Variants in LPIN1 observed in about 807,000 individuals in gnomAD.
LPIN1 encodes the protein lipin 1, also known as phosphatidate phosphatase LPIN1.
LPIN1 carries 71 observed loss-of-function variants against 107.5 expected under a neutral mutation model. The observed-to-expected ratio is 0.66, with a 90% CI of 0.55 to 0.80. The LOEUF (loss-of-function observed/expected upper bound fraction) is 0.80. Ranked by LOEUF, LPIN1 falls within the 30% of genes least tolerant of loss-of-function variation. The pLI is 0.00. For synonymous variants in LPIN1, 445 were observed against 452.6 expected, an observed-to-expected ratio of 0.98 and a Z score of 0.21; for missense variants, 1,043 against 1,160.6, an observed-to-expected ratio of 0.90 and a Z score of 1.47.
At chr2:11,780,006 G>A (rs1481998438) in intron 7 of LPIN1, among the ~76,000 whole-genome samples, 4 of 151,852 alleles carry the variant, frequency 2.6e-5, no homozygotes, top group South Asian at 4.2e-4. Flanking sequence ...TCAGCCTCCC[G>A]AGTAGCTGGG....
At chr2:11,699,789 A>G (rs1008143878) in intron 1 of LPIN1, among the ~76,000 whole-genome samples, 2 of 152,126 alleles carry the variant, frequency 1.3e-5, no homozygotes, top group African/African-American at 4.8e-5. Flanking sequence ...CAGGCAAGCA[A>G]AGTGATATAA....
At chr2:11,747,494 ACTGGC>A (rs1667142037) in intron 1 of LPIN1, among the ~76,000 whole-genome samples, 1 of 152,192 alleles carries the variant, frequency 6.6e-6, no homozygotes, top group South Asian at 2.1e-4. Flanking sequence ...AACTAAGACA[ACTGGC>A]AGTATTAATT....
intron 12 of LPIN1, among the ~76,000 whole-genome samples, chr2:11,791,188 C>T (rs557102546): frequency 6.6e-6 from 1 of 152,124 alleles, no homozygotes; most frequent in South Asian, 2.1e-4. Flanking sequence ...CTGAATCTTT[C>T]AGCTTAAATC....
intron 20 of LPIN1, among the ~76,000 whole-genome samples, chr2:11,822,505 C>A (rs1046277024): frequency 6.6e-6 from 1 of 151,076 alleles, no homozygotes; most frequent in Non-Finnish European, 1.5e-5. Flanking sequence ...TCAAAGGAGG[C>A]AAGGAGGATC....
chr2:11,733,880 A>G (rs1278796557), intron 1 of LPIN1, among the ~76,000 whole-genome samples: 1 of 152,260 alleles, frequency 6.6e-6, no homozygotes, highest in East Asian at 1.9e-4. Context: ...GTTCCATTGT[A>G]CAAAAAGCAA....
intron 19 of LPIN1, 76 bp downstream of exon 19, chr2:11,819,674 C>T: frequency 9.4e-7 from 1 of 1,062,218 alleles, no homozygotes; most frequent in Non-Finnish European, 1.5e-6. Flanking sequence ...AAAGCCCTAT[C>T]CGAGAACCAT....
chr2:11,705,360 C>T (rs1329842279), intron 1 of LPIN1, among the ~76,000 whole-genome samples: 1 of 152,246 alleles, frequency 6.6e-6, no homozygotes, highest in African/African-American at 2.4e-5. Flanking sequence ...CTGCTGTGAA[C>T]ACAATGATGA....
chr2:11,787,287 A>G, intron 11 of LPIN1, 120 bp downstream of exon 11: 2 of 739,998 alleles, frequency 2.7e-6, no homozygotes, highest in Non-Finnish European at 4.8e-6. Context: ...GCTACATTGC[A>G]TTATTGCATT....
At chr2:11,816,081 T>G (rs1372481287) in intron 18 of LPIN1, 1 of 152,256 alleles carries the variant, frequency 6.6e-6, no homozygotes, top group Non-Finnish European at 1.5e-5. Context: ...GATGAACTGT[T>G]TGCTGCTGCT....
At chr2:11,760,541 C>T (rs1249534299) in intron 1 of LPIN1, among the ~76,000 whole-genome samples, 2 of 152,204 alleles carry the variant, frequency 1.3e-5, no homozygotes, top group South Asian at 2.1e-4. Flanking sequence ...ACCAGTCAGG[C>T]GTGGCGGCGC....
chr2:11,727,456 C>T (rs546348423), intron 1 of LPIN1, among the ~76,000 whole-genome samples: 1 of 152,210 alleles, frequency 6.6e-6, no homozygotes, highest in Non-Finnish European at 1.5e-5. Context: ...TTTGTCTACT[C>T]TGGCCCTGGA....
chr2:11,729,462 A>C (rs1170578513), intron 1 of LPIN1, among the ~76,000 whole-genome samples: 3 of 152,234 alleles, frequency 2.0e-5, no homozygotes, highest in Non-Finnish European at 4.4e-5. Flanking sequence ...TAACATACAG[A>C]GCATTGCTAC....
At chr2:11,769,211 G>C (rs1242178897) in intron 3 of LPIN1, among the ~76,000 whole-genome samples, 1 of 152,226 alleles carries the variant, frequency 6.6e-6, no homozygotes, top group Non-Finnish European at 1.5e-5. Flanking sequence ...GTTGTGATTT[G>C]TCTACATCTT....
intron 1 of LPIN1, chr2:11,682,982 G>C (rs1374756986): frequency 6.6e-6 from 1 of 152,214 alleles, no homozygotes; most frequent in Admixed American, 6.5e-5. Context: ...ACCCAAACCT[G>C]TTCCCAAAGG....
upstream of LPIN1, chr2:11,745,429 C>T (rs1045273638): frequency 1.3e-5 from 2 of 152,196 alleles, no homozygotes; most frequent in Non-Finnish European, 2.9e-5. Flanking sequence ...TCTTTTTGGA[C>T]CAGGCGTGGT....
chr2:11,732,607 A>G (rs1665348574), intron 1 of LPIN1, among the ~76,000 whole-genome samples: 1 of 152,244 alleles, frequency 6.6e-6, no homozygotes, highest in South Asian at 2.1e-4. Flanking sequence ...GCAGTATTCA[A>G]TTAATAAATG....
rs1359821412 is a variant in LPIN1 at position 11,765,081 on chromosome 2, C to G, written c.-9-452C>G. On this transcript the variant is annotated intron_variant, in intron 1 of 20. Coordinates refer to ENST00000674199, the MANE Select transcript of LPIN1 (RefSeq NM_001349206.2). This position sits in a 1 kb window ranked among gnomAD's most constrained non-coding sequence, Gnocchi z 4.4. Reference sequence around the variant, plus strand: ...TGGGCCGTGATGGGCTGTGATGGACCCTGGTGGGCTCTGATGGTCCATGAT... The same window carrying G: ...TGGGCCGTGATGGGCTGTGATGGACGCTGGTGGGCTCTGATGGTCCATGAT... Among the ~76,000 whole-genome samples, 2 of 151,390 alleles carry G rather than the reference C, an allele frequency of 1.3e-5. No homozygotes were observed. Among genetic ancestry groups the G allele is most frequent in the East Asian group, 3.9e-4 (2 of 5,156 alleles).
intron 3 of LPIN1, among the ~76,000 whole-genome samples, chr2:11,768,389 C>T (rs898336399): frequency 2.6e-5 from 4 of 152,132 alleles, no homozygotes; most frequent in Non-Finnish European, 5.9e-5. Context: ...CTTTAGGTAT[C>T]GCCTCCCCTA....
intron 1 of LPIN1, among the ~76,000 whole-genome samples, chr2:11,732,293 A>G (rs1558766223): frequency 1.3e-5 from 2 of 152,232 alleles, no homozygotes; most frequent in Non-Finnish European, 2.9e-5. Flanking sequence ...GAAATACTGC[A>G]TTTCAGTTAG....
Sources: gnomAD v4.1 joint callset for allele counts (sites outside exome capture counted in the v4.1 genomes callset) on GRCh38, gnomAD v4.1.1 for gene constraint, Gnocchi (gnomAD v3.1) non-coding constraint, MANE v1.5 for transcripts, NCBI Gene and HGNC (gene_info 2026-07-23, HGNC 2026-07-21) for gene names.